Variants in ARHGAP28 observed in about 807,000 individuals in gnomAD.
ARHGAP28 encodes the protein Rho GTPase activating protein 28.
A neutral mutation model predicts 90.7 loss-of-function variants in ARHGAP28; 56 were observed. That is an observed-to-expected ratio of 0.62 (90% CI 0.50 to 0.77). The LOEUF is 0.77. Among genes scored for constraint, ARHGAP28 ranks in the 30% least tolerant of loss-of-function variants. The pLI, the probability that ARHGAP28 is intolerant of heterozygous loss-of-function variation, is 0.00. For missense variants in ARHGAP28, 869 were observed against 900.9 expected (o/e 0.96, Z 0.45); for synonymous variants, 308 against 323.3 (o/e 0.95, Z 0.51).
At chr18:6,759,023 G>T (rs2056136501) in intron 1 of ARHGAP28, among the ~76,000 whole-genome samples, 1 of 152,118 alleles carries the variant, frequency 6.6e-6, no homozygotes, top group South Asian at 2.1e-4. Context: ...TAAAATCCTT[G>T]TTTAAAATCA....
chr18:6,837,737 A>T (rs1470187080), intron 3 of ARHGAP28, among the ~76,000 whole-genome samples: 1 of 152,088 alleles, frequency 6.6e-6, no homozygotes, highest in Non-Finnish European at 1.5e-5. Context: ...CACTGAATGG[A>T]AACTCTGTGG....
At chr18:6,730,198 T>C (rs2055865035) in intron 1 of ARHGAP28, 1 of 290,358 alleles carries the variant, frequency 3.4e-6, no homozygotes, top group African/African-American at 2.4e-5. Flanking sequence ...GCATTCTTGA[T>C]ACGATTTGAG....
rs2143912181 is a variant in ARHGAP28, at chr18:6,915,663, A to C, written c.*3509A>C. On this transcript the variant is annotated 3_prime_UTR_variant, in exon 18 of 18. Coordinates refer to ENST00000383472, the MANE Select transcript of ARHGAP28 (RefSeq NM_001366230.1). ...GTTCCATCAGCTTTCATTGTTAAGT[A>C]GAATATGTATGTTGCATTTTATCCA... is the stretch of plus-strand genomic sequence containing the variant. 1 of 152,334 alleles carries C rather than the reference A, an allele frequency of 6.6e-6. No homozygotes were observed. Among genetic ancestry groups the C allele is most frequent in the East Asian group, 1.9e-4 (1 of 5,178 alleles). The allele number at this position is 152,334 out of a possible 1,614,324, so 9.4% of individuals were successfully genotyped here. A position where few individuals can be genotyped will look rare whatever the true frequency, so the allele number is the denominator to read the frequency against.
intron 3 of ARHGAP28, among the ~76,000 whole-genome samples, chr18:6,840,112 GA>G (rs1346061214): frequency 1.3e-5 from 2 of 152,182 alleles, no homozygotes; most frequent in African/African-American, 4.8e-5. Flanking sequence ...CAGCTGGTGG[GA>G]GACTAGAAAA....
intron 3 of ARHGAP28, among the ~76,000 whole-genome samples, chr18:6,842,455 CTGT>C (rs2056834835): frequency 1.3e-5 from 2 of 152,278 alleles, no homozygotes; most frequent in South Asian, 2.1e-4. Context: ...TAGCTAGCAT[CTGT>C]TGTTGTTTCT....
intron 17 of ARHGAP28, among the ~76,000 whole-genome samples, chr18:6,909,970 C>T (rs922131824): frequency 6.6e-6 from 1 of 152,164 alleles, no homozygotes; most frequent in Non-Finnish European, 1.5e-5. Flanking sequence ...CTTCACCCCC[C>T]TTTAAGTCTA....
chr18:6,861,396 T>C (rs1021158488), intron 5 of ARHGAP28, among the ~76,000 whole-genome samples: 1 of 152,220 alleles, frequency 6.6e-6, no homozygotes, highest in Admixed American at 6.5e-5. Flanking sequence ...CTCCAGACTT[T>C]AGCTTTATTC....
At chr18:6,908,608 A>G (rs1021184609) in intron 16 of ARHGAP28, among the ~76,000 whole-genome samples, 1 of 152,330 alleles carries the variant, frequency 6.6e-6, no homozygotes, top group Admixed American at 6.5e-5. Flanking sequence ...AATATGGCCA[A>G]TGACAAGGCA....
intron 14 of ARHGAP28, among the ~76,000 whole-genome samples, chr18:6,893,865 T>TC (rs2057284454): frequency 8.7e-6 from 1 of 114,510 alleles, no homozygotes. Context: ...TATTGCTTTT[T>TC]GGTTTTTTTT....
At chr18:6,782,592 A>ATTTTTTTTTTTTTTTTTTTTTTT (rs10602816) in intron 1 of ARHGAP28, among the ~76,000 whole-genome samples, 1 of 26,674 alleles carries the variant, frequency 3.7e-5, no homozygotes. Flanking sequence ...TAATTTTTGT[A>ATTTTTTTTTTTTTTTTTTTTTTT]TTTTTTTTTT....
intron 3 of ARHGAP28, among the ~76,000 whole-genome samples, chr18:6,840,500 G>A (rs983459867): frequency 1.3e-5 from 2 of 152,202 alleles, no homozygotes; most frequent in Admixed American, 6.5e-5. Context: ...CGAAGGGAAA[G>A]ATATAGTGCT....
At chr18:6,851,598 C>T (rs2056911629) in intron 4 of ARHGAP28, among the ~76,000 whole-genome samples, 3 of 152,158 alleles carry the variant, frequency 2.0e-5, no homozygotes, top group Admixed American at 2.0e-4. Flanking sequence ...CACTTATCCA[C>T]AATGTTTATA....
chr18:6,827,418 ACC>A (rs1188830833), intron 2 of ARHGAP28, among the ~76,000 whole-genome samples: 2 of 128,830 alleles, frequency 1.6e-5, no homozygotes, highest in Admixed American at 7.7e-5. Flanking sequence ...AGGGGGGTTG[ACC>A]CCCCCACCTC....
intron 16 of ARHGAP28, chr18:6,897,527 A>G (rs2057313227): frequency 6.6e-6 from 1 of 152,228 alleles, no homozygotes; most frequent in South Asian, 2.1e-4. Context: ...TCTTGTTTAT[A>G]AAGGATGAGA....
At chr18:6,875,001 T>C (rs142811174) in intron 9 of ARHGAP28, 1 of 152,312 alleles carries the variant, frequency 6.6e-6, no homozygotes, top group African/African-American at 2.4e-5. Flanking sequence ...CCAGAGTCCA[T>C]GGTGACGCTG....
At chr18:6,910,990 G>A (rs1191113298) in intron 17 of ARHGAP28, among the ~76,000 whole-genome samples, 8 of 151,870 alleles carry the variant, frequency 5.3e-5, no homozygotes, top group Non-Finnish European at 7.4e-5. Flanking sequence ...GATTACAGGC[G>A]CCCATCACCA....
chr18:6,838,171 A>C (rs982666774), intron 3 of ARHGAP28, among the ~76,000 whole-genome samples: 3 of 152,252 alleles, frequency 2.0e-5, no homozygotes, highest in African/African-American at 7.2e-5. Flanking sequence ...GTTAGGTTCT[A>C]TGCAGATGGG....
At chr18:6,736,759 C>A (rs4797257) in intron 1 of ARHGAP28, among the ~76,000 whole-genome samples, 107,355 of 131,016 alleles carry the variant, frequency 0.82, 42,415 homozygotes, top group East Asian at 0.87. Context: ...AAAAAAAAAA[C>A]AAAAAACAGA....
chr18:6,841,188 T>TCTCTCTCTC lies in ARHGAP28; in HGVS notation c.543+3775_543+3783dup, dbSNP rs1567966664. On this transcript the variant is annotated intron_variant, in intron 3 of 17. Transcript: ENST00000383472. ...CTCTCCTCTCTCTCTCTCCTCTCTC[T>TCTCTCTCTC]CTCTCTCTCTCTCTCCTCTCCTCTC... Among the ~76,000 whole-genome samples the TCTCTCTCTC allele has an allele frequency of 1.6e-3, 99 of 60,484 alleles. 1 individual carries two copies. The highest frequency in any genetic ancestry group is 8.6e-3 in the African/African-American group (92 of 10,652). 39.7% of individuals were successfully genotyped at this position (60,484 alleles called of 152,430 possible).
Sources: allele counts gnomAD v4.1 joint callset (sites outside exome capture counted in the v4.1 genomes callset), GRCh38; gene constraint gnomAD v4.1.1; transcripts MANE v1.5; gene names NCBI Gene and HGNC (gene_info 2026-07-23, HGNC 2026-07-21).